Variants in FAF1 observed in about 807,000 individuals in gnomAD.
The protein encoded by FAF1 is FAS-associated factor 1.
In FAF1, 25 loss-of-function variants were observed where a neutral mutation model predicts 92.5. That is an observed-to-expected ratio of 0.27 (90% confidence interval 0.20 to 0.38). FAF1 has a LOEUF of 0.38. Among genes scored for constraint, FAF1 ranks in the 10% least tolerant of loss-of-function variants. FAF1 has a pLI of 1.00. For synonymous variants in FAF1, 234 were observed against 273.2 expected, an observed-to-expected ratio of 0.86 and a Z score of 1.42; for missense variants, 636 against 793.3, an observed-to-expected ratio of 0.80 and a Z score of 2.38.
chr1:50,785,453 A>T (rs1000864781), intron 4 of FAF1, among the ~76,000 whole-genome samples: 3 of 152,064 alleles, frequency 2.0e-5, no homozygotes, highest in Non-Finnish European at 2.9e-5. Flanking sequence ...TAACCCATTT[A>T]AAAAAATGGA....
intron 1 of FAF1, among the ~76,000 whole-genome samples, chr1:50,882,831 C>A (rs1265637357): frequency 6.6e-6 from 1 of 151,248 alleles, no homozygotes; most frequent in African/African-American, 2.4e-5. Context: ...ACTAAAAATA[C>A]AAAAATTAGC....
At chr1:50,763,214 C>T (rs1008166361) in intron 4 of FAF1, among the ~76,000 whole-genome samples, 2 of 152,030 alleles carry the variant, frequency 1.3e-5, no homozygotes, top group Non-Finnish European at 2.9e-5. Context: ...GCCGAGATGA[C>T]GCCACTGCAC....
intron 2 of FAF1, among the ~76,000 whole-genome samples, chr1:50,827,277 T>C (rs1212973862): frequency 6.6e-6 from 1 of 152,254 alleles, no homozygotes; most frequent in Non-Finnish European, 1.5e-5. Context: ...CATTTTGTTC[T>C]GTACTAAGAA....
chr1:50,514,412 G>C (rs763347505), intron 15 of FAF1, among the ~76,000 whole-genome samples: 2 of 152,136 alleles, frequency 1.3e-5, no homozygotes, highest in Admixed American at 1.3e-4. Context: ...CTCAAAAACA[G>C]TGAAATAAGG....
At chr1:50,480,789 G>A (rs962106492) in intron 17 of FAF1, among the ~76,000 whole-genome samples, 3 of 152,106 alleles carry the variant, frequency 2.0e-5, no homozygotes, top group East Asian at 1.9e-4. Context: ...CTCCTTCTAC[G>A]TATTTTTTAG....
At chr1:50,663,998 CTTT>C (rs555597172) in intron 7 of FAF1, among the ~76,000 whole-genome samples, 6 of 128,746 alleles carry the variant, frequency 4.7e-5, no homozygotes, top group Non-Finnish European at 4.9e-5. Context: ...ATCTGTTAAT[CTTT>C]TTTTTTTTTT....
At chr1:50,855,098 A>G (rs1303843492) in intron 2 of FAF1, among the ~76,000 whole-genome samples, 1 of 151,850 alleles carries the variant, frequency 6.6e-6, no homozygotes, top group Non-Finnish European at 1.5e-5. Flanking sequence ...AATATACCAA[A>G]ATCTGAAAAA....
intron 15 of FAF1, among the ~76,000 whole-genome samples, chr1:50,501,453 A>G (rs910581745): frequency 3.3e-5 from 5 of 152,184 alleles, no homozygotes; most frequent in African/African-American, 1.2e-4. Context: ...TCACGAGGTC[A>G]GGTCAAGACC....
rs368228869 is a variant in FAF1 at position 50,653,848 on chromosome 1, C to T, written c.744+1594G>A. On this transcript the variant is annotated intron_variant, in intron 8 of 18. Transcript: ENST00000396153. The stretch of plus-strand genomic sequence containing the variant: ...TTGTGTCATTGTACTCCAGACTGGG[C>T]GATAGAGCAAGATTCCAAGTCAAAA... Among the ~76,000 whole-genome samples the T allele has an allele frequency of 1.5e-4, 23 of 151,948 alleles. No homozygotes were observed. The South Asian group carries it at 3.3e-3, about 22-fold the overall frequency.
intron 8 of FAF1, among the ~76,000 whole-genome samples, chr1:50,652,070 T>C (rs1654888351): frequency 6.6e-6 from 1 of 152,166 alleles, no homozygotes; most frequent in African/African-American, 2.4e-5. Flanking sequence ...CCGCAACATT[T>C]GCTCTGGGGA....
At chr1:50,955,161 T>C (rs1028002809) in intron 1 of FAF1, among the ~76,000 whole-genome samples, 18 of 152,244 alleles carry the variant, frequency 1.2e-4, no homozygotes, top group African/African-American at 4.3e-4. Context: ...AAATGATTCA[T>C]GTTCTCTACT....
At chr1:50,816,169 A>C (rs1392753454) in intron 2 of FAF1, among the ~76,000 whole-genome samples, 2 of 142,354 alleles carry the variant, frequency 1.4e-5, no homozygotes, top group Non-Finnish European at 3.1e-5. Flanking sequence ...AGAAGCGGTC[A>C]TTCACGTCTT....
chr1:50,910,433 G>A (rs975544681), intron 1 of FAF1, among the ~76,000 whole-genome samples: 3 of 152,174 alleles, frequency 2.0e-5, no homozygotes, highest in Admixed American at 6.5e-5. Context: ...GGAAGTTTAA[G>A]TCTGCAGAAG....
At chr1:50,666,791 G>C (rs1478712032) in intron 7 of FAF1, among the ~76,000 whole-genome samples, 1 of 152,088 alleles carries the variant, frequency 6.6e-6, no homozygotes, top group East Asian at 1.9e-4. Context: ...GCTGAGGCAG[G>C]AGAATCGCTT....
chr1:50,831,513 T>G (rs1644152715), intron 2 of FAF1, among the ~76,000 whole-genome samples: 1 of 152,164 alleles, frequency 6.6e-6, no homozygotes, highest in Non-Finnish European at 1.5e-5. Flanking sequence ...TCTGCCGTCT[T>G]TCTCTACACC....
chr1:50,698,458 C>T (rs933310667), intron 7 of FAF1, among the ~76,000 whole-genome samples: 1 of 152,118 alleles, frequency 6.6e-6, no homozygotes, highest in Non-Finnish European at 1.5e-5. Context: ...TAAGTGACTA[C>T]ATGGTCATGA....
chr1:50,480,873 A>T (rs1194954812), intron 17 of FAF1, among the ~76,000 whole-genome samples: 1 of 152,228 alleles, frequency 6.6e-6, no homozygotes, highest in African/African-American at 2.4e-5. Context: ...TTATAATAAG[A>T]GATGACAGCT....
chr1:50,566,323 T>G (rs1331618799), intron 13 of FAF1, among the ~76,000 whole-genome samples: 1 of 152,088 alleles, frequency 6.6e-6, no homozygotes, highest in African/African-American at 2.4e-5. Flanking sequence ...TGCCTTGAAA[T>G]GAATTAATTT....
intron 15 of FAF1, among the ~76,000 whole-genome samples, chr1:50,513,751 AC>A (rs1481135181): frequency 2.0e-5 from 3 of 152,176 alleles, no homozygotes; most frequent in African/African-American, 7.2e-5. Context: ...TACATGTGAT[AC>A]TCACAACAAT....
Sources: gnomAD v4.1 joint callset for allele counts (sites outside exome capture counted in the v4.1 genomes callset) on GRCh38, gnomAD v4.1.1 for gene constraint, MANE v1.5 for transcripts, NCBI Gene and HGNC (gene_info 2026-07-23, HGNC 2026-07-21) for gene names.